The following CPS1 variants were observed in gnomAD, a reference collection of about 807,000 sequenced individuals.
The protein encoded by CPS1 is carbamoyl-phosphate synthase [ammonia], mitochondrial.
A neutral mutation model predicts 174.6 loss-of-function variants in CPS1; 109 were observed. The ratio of observed to expected loss-of-function variants is 0.62; its 90% CI spans 0.53 to 0.73. CPS1 has a LOEUF of 0.73. Ranked by LOEUF, CPS1 falls within the 30% of genes least tolerant of loss-of-function variation. The pLI, the probability that CPS1 is intolerant of heterozygous loss-of-function variation, is 0.00. For missense variants in CPS1, 1,689 were observed against 1,821.9 expected (o/e 0.93, Z 1.33); for synonymous variants, 637 against 632.0 (o/e 1.01, Z -0.12).
intron 1 of CPS1, among the ~76,000 whole-genome samples, chr2:210,511,369 T>A (rs1005347635): frequency 6.6e-6 from 1 of 151,804 alleles, no homozygotes; most frequent in Non-Finnish European, 1.5e-5. Flanking sequence ...CATCACACAC[T>A]TGGGGCCTGT....
chr2:210,480,726 C>A (rs1694544786), intron 1 of CPS1, among the ~76,000 whole-genome samples: 1 of 152,202 alleles, frequency 6.6e-6, no homozygotes, highest in Admixed American at 6.5e-5. Context: ...TCACTTTTCT[C>A]CTAAGTACCA....
chr2:210,666,608 C>G lies in CPS1; in HGVS notation c.4003-1578C>G, dbSNP rs375143162. Among the ~76,000 whole-genome samples the G allele has an allele frequency of 3.0e-4, 46 of 152,160 alleles. 1 individual carries two copies. The South Asian group carries it at 8.1e-3, about 27-fold the overall frequency. On this transcript the variant is annotated intron_variant, in intron 33 of 37. Transcript: ENST00000233072. ...AATCCTTTCCCCATTGCTTGTTTTT[C>G]TCAGGTTTGTCAAAGATCAGATAGT...
intron 13 of CPS1, among the ~76,000 whole-genome samples, chr2:210,597,873 C>T (rs933421041): frequency 2.6e-5 from 4 of 151,208 alleles, no homozygotes; most frequent in Non-Finnish European, 5.9e-5. Context: ...CATGCATACA[C>T]ATAGTTTTAT....
At chr2:210,626,195 C>G (rs1699693524) in intron 21 of CPS1, among the ~76,000 whole-genome samples, 1 of 152,088 alleles carries the variant, frequency 6.6e-6, no homozygotes. Context: ...GAAACAGATA[C>G]AAATGGTTTC....
At position 210,507,145 on chromosome 2, in the gene CPS1, T is replaced by C. The variant is rs537782830; in HGVS notation, c.3+29379T>C. Among the ~76,000 whole-genome samples the C allele has an allele frequency of 1.8e-4, 27 of 152,202 alleles. No homozygotes were observed. The South Asian group carries it at 5.4e-3, about 30-fold the overall frequency. On this transcript the variant is annotated intron_variant, in intron 1 of 38. Coordinates refer to the CPS1 transcript ENST00000430249. ...CCAGAGAGAAAGGTCGGGTTACCCATAAAGGGAAGCCTATCAGACTAACAA... is the reference window on the plus strand; with the variant it reads ...CCAGAGAGAAAGGTCGGGTTACCCACAAAGGGAAGCCTATCAGACTAACAA...
At chr2:210,494,586 G>C (rs2105955095) in intron 1 of CPS1, among the ~76,000 whole-genome samples, 1 of 152,318 alleles carries the variant, frequency 6.6e-6, no homozygotes, top group South Asian at 2.1e-4. Flanking sequence ...CACCTATCCT[G>C]TGTGAGCACT....
At chr2:210,510,858 G>A (rs534066600) in intron 1 of CPS1, among the ~76,000 whole-genome samples, 5 of 152,234 alleles carry the variant, frequency 3.3e-5, no homozygotes, top group East Asian at 3.9e-4. Context: ...TTAGAATGGC[G>A]ATCATTAAGA....
At chr2:210,666,904 A>G (rs1701120042) in intron 33 of CPS1, among the ~76,000 whole-genome samples, 1 of 152,170 alleles carries the variant, frequency 6.6e-6, no homozygotes, top group Non-Finnish European at 1.5e-5. Context: ...TTGAATCTAT[A>G]AATTACCTTG....
intron 21 of CPS1, among the ~76,000 whole-genome samples, chr2:210,636,000 G>T (rs1325799424): frequency 6.6e-6 from 1 of 152,154 alleles, no homozygotes; most frequent in Admixed American, 6.5e-5. Context: ...GCAGATTCAT[G>T]ATTAGAATGA....
At chr2:210,534,243 C>T (rs1163081619) in intron 1 of CPS1, among the ~76,000 whole-genome samples, 5 of 152,168 alleles carry the variant, frequency 3.3e-5, no homozygotes, top group African/African-American at 1.2e-4. Flanking sequence ...AGGCGTCCAG[C>T]CAGCCCTGCA....
At chr2:210,671,057 G>T (rs149017066) in intron 34 of CPS1, among the ~76,000 whole-genome samples, 3 of 152,158 alleles carry the variant, frequency 2.0e-5, no homozygotes, top group Non-Finnish European at 4.4e-5. Flanking sequence ...ACCTTTCATC[G>T]CATTAGGATT....
chr2:210,592,092 A>G (rs746276089), intron 10 of CPS1, 123 bp downstream of exon 10: 2 of 1,093,230 alleles, frequency 1.8e-6, no homozygotes, highest in Non-Finnish European at 2.6e-6. Flanking sequence ...CATGCATATC[A>G]TATGTAATGA....
rs528040913 is a variant in CPS1 at position 210,567,470 on chromosome 2, A to AT, written c.127-5822dup. 2.1e-3 allele frequency among the ~76,000 whole-genome samples: 314 copies of AT among 152,260 alleles called. 2 individuals are homozygous for AT. Among genetic ancestry groups the AT allele is most frequent in the African/African-American group, 7.5e-3 (310 of 41,572 alleles). On this transcript the variant is annotated intron_variant, in intron 1 of 37. Transcript: ENST00000233072. ...CACATCAGTGAATTAAAACAAACAA[A>AT]TTTTTTGCTGACATACAGTAAAATT...
chr2:210,652,871 A>G (rs1231658049), intron 28 of CPS1, among the ~76,000 whole-genome samples: 1 of 152,194 alleles, frequency 6.6e-6, no homozygotes, highest in Non-Finnish European at 1.5e-5. Context: ...AGGAACAGCT[A>G]AGACAGACAC....
chr2:210,521,466 A>G (rs1274017069), intron 1 of CPS1, among the ~76,000 whole-genome samples: 2 of 151,788 alleles, frequency 1.3e-5, no homozygotes, highest in African/African-American at 4.8e-5. Flanking sequence ...TATAGTTTTT[A>G]TCAAATTTAG....
Position 210,599,364 on chromosome 2 carries a change from T to C in CPS1, c.1360-8T>C, listed in dbSNP as rs1303227188. ...TATTCATGTACTGGATTCTTTTGTT[T>C]CTTTCAGGAAGAAAATGTCAAAACT... On this transcript the variant is annotated splice_polypyrimidine_tract_variant and splice_region_variant and intron_variant, in intron 13 of 37. Coordinates refer to ENST00000233072, the MANE Select transcript of CPS1 (RefSeq NM_001875.5). The C allele has an allele frequency of 4.3e-6, 7 of 1,611,694 alleles. No homozygotes were observed. The highest frequency in any genetic ancestry group is 5.9e-6 in the Non-Finnish European group (7 of 1,178,544).
At chr2:210,659,719 G>A (rs1700852823) in intron 31 of CPS1, among the ~76,000 whole-genome samples, 2 of 152,274 alleles carry the variant, frequency 1.3e-5, no homozygotes, top group South Asian at 4.1e-4. Flanking sequence ...TTGGGAAGAA[G>A]GTAAATTTGT....
At chr2:210,489,914 C>G (rs1574462511) in intron 1 of CPS1, among the ~76,000 whole-genome samples, 1 of 148,596 alleles carries the variant, frequency 6.7e-6, no homozygotes, top group Admixed American at 6.8e-5. Context: ...AGGAGAATGG[C>G]GTGAACCCGG....
chr2:210,671,663 G>A (rs527774224), intron 34 of CPS1: 2 of 152,224 alleles, frequency 1.3e-5, no homozygotes, highest in Admixed American at 6.5e-5. Flanking sequence ...TGTCACAAGT[G>A]TTCAATACAT....
Sources: gnomAD v4.1 joint callset for allele counts (sites outside exome capture counted in the v4.1 genomes callset) on GRCh38, gnomAD v4.1.1 for gene constraint, MANE v1.5 for transcripts, NCBI Gene and HGNC (gene_info 2026-07-23, HGNC 2026-07-21) for gene names.